PDE4D: variants seen among roughly 807,000 people sequenced by gnomAD.
PDE4D encodes the protein 3',5'-cyclic-AMP phosphodiesterase 4D.
A neutral mutation model predicts 87.4 loss-of-function variants in PDE4D; 24 were observed. The observed-to-expected ratio is 0.27, with a 90% CI of 0.20 to 0.39. PDE4D has a LOEUF of 0.39. Among genes scored for constraint, PDE4D ranks in the 10% least tolerant of loss-of-function variants. The pLI, the probability that PDE4D is intolerant of heterozygous loss-of-function variation, is 1.00. For synonymous variants in PDE4D, 384 were observed against 383.2 expected, an observed-to-expected ratio of 1.00 and a Z score of -0.02; for missense variants, 714 against 1,041.0, an observed-to-expected ratio of 0.69 and a Z score of 4.32.
chr5:59,969,434 A>T (rs1760445900), intron 3 of PDE4D, among the ~76,000 whole-genome samples: 5 of 152,180 alleles, frequency 3.3e-5, no homozygotes, highest in Admixed American at 1.3e-4. Flanking sequence ...TTGAAAGAAG[A>T]TGCCTGGAGG....
intron 2 of PDE4D, among the ~76,000 whole-genome samples, chr5:60,088,227 C>T (rs533401299): frequency 5.3e-5 from 8 of 151,426 alleles, no homozygotes; most frequent in South Asian, 4.2e-4. Flanking sequence ...ATTTACAACA[C>T]GACACTTCGC....
chr5:59,719,007 TAA>T (rs397883539), intron 1 of PDE4D, among the ~76,000 whole-genome samples: 60 of 139,594 alleles, frequency 4.3e-4, no homozygotes, highest in African/African-American at 1.3e-3. Flanking sequence ...CTCTTAGAAT[TAA>T]AAAAAAAAAA....
intron 1 of PDE4D, among the ~76,000 whole-genome samples, chr5:60,187,279 T>C (rs573224257): frequency 7.0e-4 from 106 of 152,282 alleles, no homozygotes; most frequent in Non-Finnish European, 1.3e-3. Flanking sequence ...CCTCCAGGAA[T>C]TGAATCACCT....
At chr5:59,653,342 T>C (rs1743838750) in intron 1 of PDE4D, among the ~76,000 whole-genome samples, 1 of 151,760 alleles carries the variant, frequency 6.6e-6, no homozygotes, top group African/African-American at 2.4e-5. Context: ...TAGCTGGGAC[T>C]ACAGGCGCCC....
chr5:59,696,940 A>G (rs1380698780), intron 1 of PDE4D, among the ~76,000 whole-genome samples: 7 of 152,210 alleles, frequency 4.6e-5, no homozygotes, highest in Admixed American at 4.6e-4. Flanking sequence ...GACCACATCA[A>G]TAGTTACAAT....
intron 2 of PDE4D, among the ~76,000 whole-genome samples, chr5:59,213,439 C>T (rs562935329): frequency 6.6e-6 from 1 of 152,248 alleles, no homozygotes; most frequent in Non-Finnish European, 1.5e-5. Context: ...AGGATAGCCT[C>T]CTTACTTTGG....
rs1453470933 is a variant in PDE4D, at chr5:59,244,720, GTGTA to G, written c.456-28756_456-28753del. 2.2e-3 allele frequency among the ~76,000 whole-genome samples: 298 copies of G among 136,374 alleles called. 1 individual carries two copies. Among genetic ancestry groups the G allele is most frequent in the Middle Eastern group, 8.3e-3 (2 of 242 alleles). The allele number at this position is 136,374 out of a possible 152,430, so 89.5% of individuals were successfully genotyped here. On this transcript the variant is annotated intron_variant, in intron 1 of 14. Coordinates refer to ENST00000340635, the MANE Select transcript of PDE4D (RefSeq NM_001104631.2). ...TGTGTGTGTGTGTGTGTGTGTGTGT[GTGTA>G]TAGAGAGACCGACCTGATTTCATCT...
chr5:59,482,002 T>A (rs1804352194), intron 1 of PDE4D, among the ~76,000 whole-genome samples: 1 of 151,938 alleles, frequency 6.6e-6, no homozygotes, highest in South Asian at 2.1e-4. Context: ...TTTCTCTACA[T>A]CCTTTGTGCT....
At chr5:59,862,654 C>T (rs1189595187) in intron 1 of PDE4D, among the ~76,000 whole-genome samples, 2 of 152,212 alleles carry the variant, frequency 1.3e-5, no homozygotes, top group African/African-American at 4.8e-5. Context: ...CATGGTTAGC[C>T]ACAGTATGTG....
chr5:60,493,168 A>C (rs986189212), intron 1 of PDE4D, among the ~76,000 whole-genome samples: 1 of 152,218 alleles, frequency 6.6e-6, no homozygotes, highest in African/African-American at 2.4e-5. Flanking sequence ...CATGACACAC[A>C]AGGGGTAACA....
chr5:59,800,437 C>G (rs1025028605), intron 1 of PDE4D, among the ~76,000 whole-genome samples: 1 of 152,158 alleles, frequency 6.6e-6, no homozygotes, highest in Non-Finnish European at 1.5e-5. Flanking sequence ...CTGCTATTCT[C>G]AATTACCCTT....
chr5:59,457,333 CT>C (rs1488200151), intron 1 of PDE4D, among the ~76,000 whole-genome samples: 20 of 152,266 alleles, frequency 1.3e-4, no homozygotes, highest in South Asian at 4.1e-4. Context: ...ATCATAAGCA[CT>C]TTTTAGCAAG....
At chr5:59,361,646 A>G (rs1010187232) in intron 1 of PDE4D, among the ~76,000 whole-genome samples, 1 of 152,150 alleles carries the variant, frequency 6.6e-6, no homozygotes, top group African/African-American at 2.4e-5. Context: ...TGTCAATGTC[A>G]TCACATTAGT....
At chr5:60,257,246 AAG>A (rs2149695721) in intron 1 of PDE4D, among the ~76,000 whole-genome samples, 1 of 138,212 alleles carries the variant, frequency 7.2e-6, no homozygotes, top group African/African-American at 2.8e-5. Flanking sequence ...GAAAGAAAGA[AAG>A]AAAGAAAAGA....
At chr5:60,482,163 G>A (rs1748779233) in intron 1 of PDE4D, among the ~76,000 whole-genome samples, 2 of 152,024 alleles carry the variant, frequency 1.3e-5, no homozygotes, top group South Asian at 4.2e-4. Flanking sequence ...TGGGGTTCGT[G>A]CCTTTACAAA....
At chr5:59,955,140 T>TTA (rs922227873) in intron 3 of PDE4D, among the ~76,000 whole-genome samples, 4 of 152,192 alleles carry the variant, frequency 2.6e-5, no homozygotes, top group East Asian at 3.8e-4. Context: ...ATATAAGCTT[T>TTA]TATATATATA....
At chr5:59,469,782 G>A (rs1306987965) in intron 1 of PDE4D, among the ~76,000 whole-genome samples, 1 of 152,088 alleles carries the variant, frequency 6.6e-6, no homozygotes, top group African/African-American at 2.4e-5. Context: ...TTACGAAGAG[G>A]AGAGAACATC....
chr5:60,295,476 G>A (rs758975389), intron 1 of PDE4D, among the ~76,000 whole-genome samples: 29 of 152,262 alleles, frequency 1.9e-4, no homozygotes, highest in South Asian at 4.1e-4. Flanking sequence ...GAGCTGTTGG[G>A]CTTTTATGTA....
intron 1 of PDE4D, among the ~76,000 whole-genome samples, chr5:60,310,643 A>C (rs1583379121): frequency 6.6e-6 from 1 of 152,230 alleles, no homozygotes; most frequent in Middle Eastern, 3.2e-3. Context: ...TACCGACATT[A>C]TAACCTCCCA....
Sources: allele counts gnomAD v4.1 joint callset (sites outside exome capture counted in the v4.1 genomes callset), GRCh38; gene constraint gnomAD v4.1.1; transcripts MANE v1.5; gene names NCBI Gene and HGNC (gene_info 2026-07-23, HGNC 2026-07-21).